MDGA2: variants seen among roughly 807,000 people sequenced by gnomAD.
MDGA2 encodes MAM domain containing glycosylphosphatidylinositol anchor 2.
In MDGA2, 40 loss-of-function variants were observed where a neutral mutation model predicts 117.8. The ratio of observed to expected loss-of-function variants is 0.34; its 90% CI spans 0.26 to 0.44. MDGA2 has a LOEUF of 0.44. Ranked by LOEUF, MDGA2 falls within the 20% of genes least tolerant of loss-of-function variation. MDGA2 has a pLI of 1.00. For missense variants in MDGA2, 1,123 were observed against 1,250.6 expected (o/e 0.90, Z 1.54); for synonymous variants, 452 against 439.0 (o/e 1.03, Z -0.37).
chr14:47,165,912 C>T lies in MDGA2; in HGVS notation c.596-21638G>A, dbSNP rs189637363. 2.6e-3 allele frequency among the ~76,000 whole-genome samples: 402 copies of T among 151,898 alleles called. 6 individuals carry two copies. The highest frequency in any genetic ancestry group is 9.2e-3 in the African/African-American group (381 of 41,432). ...CACATTTTTGTTCTACCTTGATTTG[C>T]ATAAATAAAAAAAGAATTAGTGGCT... On this transcript the variant is annotated intron_variant, in intron 3 of 16. Transcript: ENST00000399232.
At chr14:47,054,570 G>GT (rs531375182) in intron 7 of MDGA2, among the ~76,000 whole-genome samples, 29 of 149,912 alleles carry the variant, frequency 1.9e-4, no homozygotes, top group African/African-American at 5.1e-4. Flanking sequence ...GAGGTGTTTG[G>GT]TTTTTTGTCC....
chr14:47,423,644 CTTTAT>C (rs1212563158), intron 1 of MDGA2, among the ~76,000 whole-genome samples: 1 of 151,868 alleles, frequency 6.6e-6, no homozygotes, highest in Non-Finnish European at 1.5e-5. Context: ...TATTAGGATG[CTTTAT>C]TTTCTTACTT....
chr14:47,548,686 G>A (rs924014495), intron 1 of MDGA2, among the ~76,000 whole-genome samples: 1 of 151,984 alleles, frequency 6.6e-6, no homozygotes, highest in Non-Finnish European at 1.5e-5. Flanking sequence ...GCAAAGCCTC[G>A]AGATCAGTCA....
chr14:47,463,853 G>T (rs982784442), intron 1 of MDGA2, among the ~76,000 whole-genome samples: 1 of 151,984 alleles, frequency 6.6e-6, no homozygotes, highest in South Asian at 2.1e-4. Context: ...GAGGCTCAAA[G>T]GTTCTTCTGA....
intron 3 of MDGA2, among the ~76,000 whole-genome samples, chr14:47,156,456 A>AT: frequency 6.6e-6 from 1 of 152,306 alleles, no homozygotes; most frequent in South Asian, 2.1e-4. Context: ...GAGTTTCTCT[A>AT]GTGACATAAA....
intron 1 of MDGA2, among the ~76,000 whole-genome samples, chr14:47,337,470 C>T (rs1555374701): frequency 6.6e-6 from 1 of 151,742 alleles, no homozygotes; most frequent in Non-Finnish European, 1.5e-5. Flanking sequence ...GCAAGAACAA[C>T]AAGGCTTTTG....
intron 9 of MDGA2, among the ~76,000 whole-genome samples, chr14:46,922,672 C>T (rs1884177694): frequency 6.6e-6 from 1 of 152,160 alleles, no homozygotes; most frequent in African/African-American, 2.4e-5. Context: ...GAAATACAGA[C>T]CTTACAATTT....
chr14:47,329,857 T>G (rs543259084), intron 1 of MDGA2, among the ~76,000 whole-genome samples: 1 of 151,954 alleles, frequency 6.6e-6, no homozygotes, highest in Non-Finnish European at 1.5e-5. Flanking sequence ...TTAAGTGATT[T>G]ACCCAAAAGC....
chr14:47,642,607 T>C (rs1038661066), intron 1 of MDGA2, among the ~76,000 whole-genome samples: 3 of 152,012 alleles, frequency 2.0e-5, no homozygotes, highest in African/African-American at 7.2e-5. Flanking sequence ...ATCCATATTA[T>C]ATAGAAGTAC....
intron 1 of MDGA2, among the ~76,000 whole-genome samples, chr14:47,349,614 G>C (rs1890834541): frequency 6.6e-6 from 1 of 151,942 alleles, no homozygotes; most frequent in Non-Finnish European, 1.5e-5. Flanking sequence ...TGGCATTTTT[G>C]TTTTCATTTT....
chr14:46,919,521 T>C (rs1232255912), intron 10 of MDGA2, among the ~76,000 whole-genome samples: 1 of 152,220 alleles, frequency 6.6e-6, no homozygotes, highest in Non-Finnish European at 1.5e-5. Flanking sequence ...CTTTAATTTC[T>C]TTTCATTTTA....
At chr14:47,623,192 T>G (rs536790497) in intron 1 of MDGA2, among the ~76,000 whole-genome samples, 1 of 152,194 alleles carries the variant, frequency 6.6e-6, no homozygotes, top group East Asian at 1.9e-4. Flanking sequence ...CATGCTTTTT[T>G]GCCTGTCCAC....
intron 8 of MDGA2, among the ~76,000 whole-genome samples, chr14:47,030,516 GA>G (rs558875100): frequency 2.0e-5 from 3 of 149,270 alleles, no homozygotes; most frequent in African/African-American, 4.9e-5. Flanking sequence ...CTCCATCTCA[GA>G]AAAAAAAAGA....
intron 3 of MDGA2, among the ~76,000 whole-genome samples, chr14:47,175,026 C>G (rs555561082): frequency 2.0e-5 from 3 of 152,030 alleles, no homozygotes; most frequent in Admixed American, 1.3e-4. Context: ...AACACCTCTA[C>G]GCAAATAAAC....
chr14:47,597,510 G>C (rs1306940466), intron 1 of MDGA2, among the ~76,000 whole-genome samples: 1 of 151,914 alleles, frequency 6.6e-6, no homozygotes, highest in Admixed American at 6.6e-5. Flanking sequence ...GGGTGTCATG[G>C]AATACATTAA....
intron 6 of MDGA2, among the ~76,000 whole-genome samples, chr14:47,089,172 G>T (rs1891017451): frequency 1.3e-5 from 2 of 151,986 alleles, no homozygotes; most frequent in East Asian, 1.9e-4. Context: ...AAGAATAGAG[G>T]AAATAGAAAA....
chr14:47,654,658 C>T (rs773927542), intron 1 of MDGA2, among the ~76,000 whole-genome samples: 6 of 152,020 alleles, frequency 3.9e-5, no homozygotes, highest in Non-Finnish European at 7.4e-5. Context: ...GAGATCTCCA[C>T]CTATGAAGAC....
chr14:46,959,685 T>A (rs2138268006), intron 8 of MDGA2, among the ~76,000 whole-genome samples: 1 of 152,316 alleles, frequency 6.6e-6, no homozygotes, highest in African/African-American at 2.4e-5. Context: ...TTCTTTTAGA[T>A]GGATGGATTA....
At chr14:47,193,133 T>C (rs202068330) in intron 3 of MDGA2, among the ~76,000 whole-genome samples, 1 of 152,226 alleles carries the variant, frequency 6.6e-6, no homozygotes, top group East Asian at 1.9e-4. Flanking sequence ...GAAAACTTTC[T>C]CAGTCCTCTC....
Sources: gnomAD v4.1 joint callset for allele counts (sites outside exome capture counted in the v4.1 genomes callset) on GRCh38, gnomAD v4.1.1 for gene constraint, MANE v1.5 for transcripts, NCBI Gene and HGNC (gene_info 2026-07-23, HGNC 2026-07-21) for gene names.